The following SLC12A7 variants were observed in gnomAD, a reference collection of about 807,000 sequenced individuals.
SLC12A7 encodes the protein K-Cl cotransporter 4.
A neutral mutation model predicts 120.6 loss-of-function variants in SLC12A7; 100 were observed. The observed-to-expected ratio is 0.83, with a 90% CI of 0.71 to 0.98. The LOEUF is 0.98. SLC12A7 is among the 50% of genes least tolerant of loss of function. The pLI is 0.00. For missense variants in SLC12A7, 1,373 were observed against 1,548.1 expected, an observed-to-expected ratio of 0.89 and a Z score of 1.90; for synonymous variants, 760 against 678.0, an observed-to-expected ratio of 1.12 and a Z score of -1.88.
chr5:1,107,150 C>T (rs1331189420), intron 1 of SLC12A7, among the ~76,000 whole-genome samples: 1 of 152,168 alleles, frequency 6.6e-6, no homozygotes, highest in East Asian at 1.9e-4. Context: ...TTCTTTCTTC[C>T]CCTAATACTC....
chr5:1,107,875 C>T (rs1378919032), intron 1 of SLC12A7, among the ~76,000 whole-genome samples: 1 of 152,098 alleles, frequency 6.6e-6, no homozygotes, highest in East Asian at 1.9e-4. Flanking sequence ...GACCTGAACA[C>T]GAGGCCACAC....
At chr5:1,096,680 GGAGGGAGGGGGGA>G in intron 1 of SLC12A7, among the ~76,000 whole-genome samples, 4 of 126,278 alleles carry the variant, frequency 3.2e-5, no homozygotes, top group Admixed American at 8.0e-5. Flanking sequence ...AAGGAAGAAA[GGAGGGAGGGGGGA>G]AGGGAGGGAA....
intron 16 of SLC12A7, 125 bp from the exon 17 acceptor site, chr5:1,073,926 G>A (rs778381414): frequency 5.2e-5 from 48 of 919,158 alleles, no homozygotes; most frequent in Middle Eastern, 2.4e-4. Context: ...CATGACAGGC[G>A]GGACAGGGGA....
At chr5:1,147,528 C>T in the SLC12A7 span, among the ~76,000 whole-genome samples, 1 of 152,146 alleles carries the variant, frequency 6.6e-6, no homozygotes, top group Non-Finnish European at 1.5e-5. Context: ...TCACCAGCAC[C>T]TTGGTCTCCA....
the SLC12A7 span, among the ~76,000 whole-genome samples, chr5:1,131,401 C>T: frequency 1.3e-5 from 2 of 152,216 alleles, no homozygotes; most frequent in Non-Finnish European, 2.9e-5. Context: ...GGTATTGGTG[C>T]AACAGGCAGA....
Position 1,093,546 on chromosome 5 carries a change from C to A in SLC12A7, c.329G>T (p.Arg110Leu). The A allele has an allele frequency of 6.3e-7, 1 of 1,594,296 alleles. No individual in the cohort carries two copies. The highest frequency in any genetic ancestry group is 8.5e-7 in the Non-Finnish European group (1 of 1,171,708). Residue 110 changes from arginine to leucine, a missense_variant, in exon 3 of 24, where the codon CGG becomes CTG. Transcript: ENST00000264930. ...GGGTGGCAGTACCTTGGCCTCCCGC[C>A]GCCGGCTCTCCTCGTCCTCCTCGTG... is the stretch of plus-strand genomic sequence containing the variant. ...VEHEEDEESR[R>L]REAKAPRMGT...
intron 17 of SLC12A7, among the ~76,000 whole-genome samples, chr5:1,073,282 C>T (rs1304905232): frequency 1.8e-5 from 2 of 114,148 alleles, no homozygotes; most frequent in Admixed American, 7.8e-5. Flanking sequence ...CCCCAGCACA[C>T]GGGCATCACA....
chr5:1,068,122 G>C (rs1157286832), intron 17 of SLC12A7, among the ~76,000 whole-genome samples: 4 of 152,262 alleles, frequency 2.6e-5, no homozygotes, highest in Non-Finnish European at 5.9e-5. Flanking sequence ...ACGCTTCTTA[G>C]AGAAATGTCC....
At chr5:1,093,009 C>T (rs1333487092) in intron 3 of SLC12A7, among the ~76,000 whole-genome samples, 3 of 152,134 alleles carry the variant, frequency 2.0e-5, no homozygotes, top group Non-Finnish European at 4.4e-5. Context: ...CCACAGAAAC[C>T]ACTCAAGGGA....
intron 10 of SLC12A7, among the ~76,000 whole-genome samples, chr5:1,079,193 C>T (rs1260067550): frequency 2.0e-5 from 3 of 152,216 alleles, no homozygotes; most frequent in Non-Finnish European, 2.9e-5. Context: ...GTTTTCTCTA[C>T]GATCGCATCA....
Position 1,063,513 on chromosome 5 carries a change from G to A in SLC12A7, c.2739+331C>T, listed in dbSNP as rs575159051. 5.1e-3 allele frequency among the ~76,000 whole-genome samples: 773 copies of A among 152,230 alleles called. 1 individual carries two copies. The highest frequency in any genetic ancestry group is 7.7e-3 in the Non-Finnish European group (522 of 68,000). On this transcript the variant is annotated intron_variant, in intron 20 of 23. Transcript: ENST00000264930. ...GAGGTGTCCACAAGCAACACACGGGGCTCTGTGCTTTCTGTGATGTCCTGG... is the reference window on the plus strand; with the variant it reads ...GAGGTGTCCACAAGCAACACACGGGACTCTGTGCTTTCTGTGATGTCCTGG...
the SLC12A7 span, among the ~76,000 whole-genome samples, chr5:1,139,048 C>G: frequency 7.1e-6 from 1 of 140,018 alleles, no homozygotes; most frequent in Non-Finnish European, 1.5e-5. Context: ...CAGGGGTCGC[C>G]CCTCACCCAA....
At chr5:1,136,126 A>G in the SLC12A7 span, among the ~76,000 whole-genome samples, 3 of 152,188 alleles carry the variant, frequency 2.0e-5, no homozygotes, top group Non-Finnish European at 4.4e-5. Context: ...GACTGCGGAG[A>G]GGCCACAGGA....
At chr5:1,130,853 A>C in the SLC12A7 span, among the ~76,000 whole-genome samples, 1 of 152,216 alleles carries the variant, frequency 6.6e-6, no homozygotes, top group Non-Finnish European at 1.5e-5. Flanking sequence ...CTTCCGGCCA[A>C]GGGGAGCGGC....
intron 1 of SLC12A7, among the ~76,000 whole-genome samples, chr5:1,099,397 C>T (rs866243714): frequency 5.9e-5 from 9 of 151,494 alleles, no homozygotes; most frequent in Middle Eastern, 3.4e-3. Context: ...CAGCAGGGCC[C>T]GACCCGGTCC....
At chr5:1,134,394 C>T in the SLC12A7 span, among the ~76,000 whole-genome samples, 8 of 152,098 alleles carry the variant, frequency 5.3e-5, no homozygotes, top group African/African-American at 1.9e-4. Flanking sequence ...CACTTGAACC[C>T]GGGAGGCAGA....
At chr5:1,081,057 G>C (rs1187710021) in intron 9 of SLC12A7, among the ~76,000 whole-genome samples, 1 of 15,726 alleles carries the variant, frequency 6.4e-5, no homozygotes, top group African/African-American at 7.5e-5. Flanking sequence ...AGAAGAGGGA[G>C]ACAGAGAGAG....
intron 1 of SLC12A7, among the ~76,000 whole-genome samples, chr5:1,105,519 C>T (rs577450015): frequency 2.6e-4 from 40 of 152,358 alleles, no homozygotes; most frequent in African/African-American, 9.4e-4. Flanking sequence ...GGGGAGTCAG[C>T]GGCCACAAAC....
At chr5:1,087,107 C>T (rs1739950121) in intron 5 of SLC12A7, 74 bp from the exon 6 acceptor site, 2 of 1,493,832 alleles carry the variant, frequency 1.3e-6, no homozygotes, top group Non-Finnish European at 8.9e-7. Flanking sequence ...TCTGCGCTGC[C>T]ATTCACGGGC....
Sources: gnomAD v4.1 joint callset for allele counts (sites outside exome capture counted in the v4.1 genomes callset) on GRCh38, gnomAD v4.1.1 for gene constraint, MANE v1.5 for transcripts, NCBI Gene and HGNC (gene_info 2026-07-23, HGNC 2026-07-21) for gene names.